The following FRMD4A variants were observed in gnomAD, a reference collection of about 807,000 sequenced individuals.
FRMD4A encodes the protein FERM domain containing 4A.
FRMD4A carries 29 observed loss-of-function variants against 129.1 expected under a neutral mutation model. The observed-to-expected ratio is 0.22, with a 90% CI of 0.17 to 0.31. FRMD4A has a LOEUF of 0.31. Ranked by LOEUF, FRMD4A falls within the 10% of genes least tolerant of loss-of-function variation. The probability of loss-of-function intolerance (pLI) is 1.00; values close to 1 mark genes in which losing one functional copy is unlikely to be tolerated. For synonymous variants in FRMD4A, 634 were observed against 571.6 expected, an observed-to-expected ratio of 1.11 and a Z score of -1.56; for missense variants, 1,272 against 1,375.8, an observed-to-expected ratio of 0.92 and a Z score of 1.19.
At chr10:14,307,295 G>A (rs770609367) in intron 2 of FRMD4A, among the ~76,000 whole-genome samples, 3 of 152,186 alleles carry the variant, frequency 2.0e-5, no homozygotes, top group Admixed American at 6.5e-5. Context: ...AGGGCCTTGC[G>A]CAAAGCCCTG....
intron 9 of FRMD4A, among the ~76,000 whole-genome samples, chr10:13,740,821 A>ATTTTT (rs1368392741): frequency 3.4e-5 from 3 of 87,364 alleles, no homozygotes; most frequent in Admixed American, 1.0e-4. Context: ...TTTGTCTTGG[A>ATTTTT]TGTTTGTTTT....
At chr10:13,660,217 T>C (rs2082530346) in intron 20 of FRMD4A, 99 bp downstream of exon 20, 1 of 778,314 alleles carries the variant, frequency 1.3e-6, no homozygotes, top group South Asian at 1.6e-5. Flanking sequence ...ACTAGGTTGA[T>C]GTGGATTTTG....
At chr10:13,747,656 G>A (rs1242061552) in intron 9 of FRMD4A, 80 bp downstream of exon 9, 6 of 755,668 alleles carry the variant, frequency 7.9e-6, no homozygotes, top group African/African-American at 3.4e-5. Flanking sequence ...AGCTGGTGGA[G>A]GGAGGGTACA....
intron 2 of FRMD4A, among the ~76,000 whole-genome samples, chr10:13,986,246 C>T (rs2095580758): frequency 6.6e-6 from 1 of 151,506 alleles, no homozygotes; most frequent in Non-Finnish European, 1.5e-5. Context: ...TGGAACCAAC[C>T]CAAATGTCCA....
intron 17 of FRMD4A, among the ~76,000 whole-genome samples, chr10:13,668,775 C>T (rs2083268208): frequency 6.6e-6 from 1 of 152,166 alleles, no homozygotes; most frequent in Non-Finnish European, 1.5e-5. Flanking sequence ...TGCCCAGCAA[C>T]AGGGGGAGTT....
At chr10:14,300,497 A>G (rs891151043) in intron 2 of FRMD4A, among the ~76,000 whole-genome samples, 1 of 152,192 alleles carries the variant, frequency 6.6e-6, no homozygotes, top group Non-Finnish European at 1.5e-5. Context: ...CTAGCAATTG[A>G]TGTTATCTCT....
At chr10:13,910,154 C>A (rs763020164) in intron 2 of FRMD4A, among the ~76,000 whole-genome samples, 1 of 152,198 alleles carries the variant, frequency 6.6e-6, no homozygotes, top group Non-Finnish European at 1.5e-5. Flanking sequence ...GGCTGGTCTT[C>A]TGGTTTGTCT....
chr10:13,986,661 A>T (rs543565445), intron 2 of FRMD4A, among the ~76,000 whole-genome samples: 45 of 147,980 alleles, frequency 3.0e-4, no homozygotes, highest in Admixed American at 1.2e-3. Context: ...AATAATAAAA[A>T]TAAATAAATA....
intron 2 of FRMD4A, among the ~76,000 whole-genome samples, chr10:14,170,266 T>C (rs1041042202): frequency 1.3e-5 from 2 of 152,198 alleles, no homozygotes; most frequent in East Asian, 3.8e-4. Context: ...TAACTCTAGC[T>C]CTGTGTGGCT....
rs78808238 is a variant in FRMD4A at position 13,736,751 on chromosome 10, G to A, written c.759+1093C>T. On this transcript the variant is annotated intron_variant, in intron 12 of 24. Coordinates refer to ENST00000357447, the MANE Select transcript of FRMD4A (RefSeq NM_018027.5). Reference sequence around the variant, plus strand: ...GCTTTCTCTCTGCTAAAGCAAGTGTGGTTTTCATAGGTTTTTAATATGTAT... The same window carrying A: ...GCTTTCTCTCTGCTAAAGCAAGTGTAGTTTTCATAGGTTTTTAATATGTAT... Among the ~76,000 whole-genome samples, 1,361 of 152,266 alleles carry A rather than the reference G, an allele frequency of 8.9e-3. 13 individuals carry two copies. The highest frequency in any genetic ancestry group is 0.014 in the South Asian group (66 of 4,822).
rs1202658152 is a variant in FRMD4A at position 13,644,809 on chromosome 10, A to T, written c.*2229T>A. 1 of 152,210 alleles carries T rather than the reference A, an allele frequency of 6.6e-6. No individual in the cohort carries two copies. The highest frequency in any genetic ancestry group is 6.5e-5 in the Admixed American group (1 of 15,286). 9.4% of individuals were successfully genotyped at this position (152,210 alleles called of 1,614,324 possible). A position where few individuals can be genotyped will look rare whatever the true frequency, so the allele number is the denominator to read the frequency against. On this transcript the variant is annotated 3_prime_UTR_variant, in exon 25 of 25. Coordinates refer to ENST00000357447, the MANE Select transcript of FRMD4A (RefSeq NM_018027.5). ...AATGGGGAAGGGAGAAAAAAAAAAA[A>T]TCACTGTTCTTTGTAGCTCTAACCA...
chr10:14,264,301 C>T (rs1844903616), intron 2 of FRMD4A, among the ~76,000 whole-genome samples: 1 of 152,168 alleles, frequency 6.6e-6, no homozygotes, highest in Non-Finnish European at 1.5e-5. Flanking sequence ...ATCCCAGGTT[C>T]CCCATTGATA....
At chr10:13,714,899 C>T (rs1274974766) in intron 12 of FRMD4A, among the ~76,000 whole-genome samples, 2 of 152,032 alleles carry the variant, frequency 1.3e-5, no homozygotes, top group Non-Finnish European at 1.5e-5. Context: ...ATTAGCTGGG[C>T]GTGGTGGCTC....
chr10:13,715,926 A>C (rs2088753823), intron 12 of FRMD4A, among the ~76,000 whole-genome samples: 1 of 146,726 alleles, frequency 6.8e-6, no homozygotes, highest in Non-Finnish European at 1.5e-5. Flanking sequence ...AAAAAAAAAG[A>C]AATGCTATGA....
intron 15 of FRMD4A, among the ~76,000 whole-genome samples, chr10:13,691,269 T>A (rs558929742): frequency 3.2e-3 from 489 of 152,312 alleles, no homozygotes; most frequent in African/African-American, 0.011. Flanking sequence ...ATTACAGGCG[T>A]GAGCCACTGC....
chr10:14,329,821 T>C (rs1843440755), intron 2 of FRMD4A, among the ~76,000 whole-genome samples: 1 of 152,154 alleles, frequency 6.6e-6, no homozygotes, highest in African/African-American at 2.4e-5. Flanking sequence ...CAAGCACAGC[T>C]CTCAAAATAG....
chr10:13,750,109 G>GAAAA (rs59377985), intron 8 of FRMD4A, among the ~76,000 whole-genome samples: 2 of 73,578 alleles, frequency 2.7e-5, no homozygotes, highest in Non-Finnish European at 5.2e-5. Context: ...AGAAAGAAAT[G>GAAAA]AAGAAAGAAA....
chr10:13,672,784 A>G (rs1165100112), intron 16 of FRMD4A, among the ~76,000 whole-genome samples: 1 of 152,096 alleles, frequency 6.6e-6, no homozygotes, highest in African/African-American at 2.4e-5. Flanking sequence ...CTGAGGGGAG[A>G]GATGCAGGAA....
intron 2 of FRMD4A, among the ~76,000 whole-genome samples, chr10:14,228,903 T>A (rs1843540429): frequency 6.6e-6 from 1 of 152,202 alleles, no homozygotes; most frequent in Admixed American, 6.5e-5. Context: ...GATCCAAGGT[T>A]GCTTTGTTAT....
Sources: allele counts gnomAD v4.1 joint callset (sites outside exome capture counted in the v4.1 genomes callset), GRCh38; gene constraint gnomAD v4.1.1; transcripts MANE v1.5; gene names NCBI Gene and HGNC (gene_info 2026-07-23, HGNC 2026-07-21).